KRT38: variants seen among roughly 807,000 people sequenced by gnomAD.
KRT38 encodes keratin, type I cuticular Ha8.
A neutral mutation model predicts 43.1 loss-of-function variants in KRT38; 45 were observed. That is an observed-to-expected ratio of 1.04 (90% CI 0.82 to 1.34). The LOEUF is 1.34. Ranked by LOEUF, KRT38 falls within the 40% of genes most tolerant of loss-of-function variation. The pLI is 0.00. For missense variants in KRT38, 627 were observed against 586.2 expected (o/e 1.07, Z -0.72); for synonymous variants, 258 against 244.0 (o/e 1.06, Z -0.53).
Position 41,438,685 on chromosome 17 carries a change from C to T in KRT38, c.894+12G>A, listed in dbSNP as rs985726459. 6.2e-6 allele frequency: 10 copies of T among 1,612,830 alleles called. No individual in the cohort carries two copies. The highest frequency in any genetic ancestry group is 2.7e-5 in the African/African-American group (2 of 74,790). ...GCCAGGTACCCCCTGGTTCTATACC[C>T]CCCCCACTCACCTGGGCTTGGAACC... On this transcript the variant is annotated intron_variant, in intron 4 of 6. Transcript: ENST00000246646.
Position 41,440,967 on chromosome 17 carries a change from G to C in KRT38, c.-46C>G. On this transcript the variant is annotated 5_prime_UTR_variant, in exon 1 of 7. Transcript: ENST00000246646. ...CAGGAGCTTCAGATCAGCTGGGAAAGCTGAACCACTGAGACTGAAGCCTCC... is the reference window on the plus strand; with the variant it reads ...CAGGAGCTTCAGATCAGCTGGGAAACCTGAACCACTGAGACTGAAGCCTCC... 1 of 1,511,912 alleles carries C rather than the reference G, an allele frequency of 6.6e-7. No individual in the cohort carries two copies. Among genetic ancestry groups the C allele is most frequent in the South Asian group, 1.4e-5 (1 of 73,954 alleles). The allele number at this position is 1,511,912 out of a possible 1,614,324, so 93.7% of individuals were successfully genotyped here. A position where few individuals can be genotyped will look rare whatever the true frequency, so the allele number is the denominator to read the frequency against.
Position 41,440,210 on chromosome 17 carries a change from T to G in KRT38, c.526A>C (p.Ile176Leu). Residue 176 changes from isoleucine (I) to leucine (L), a missense_variant, in exon 2 of 7, where the codon ATT becomes CTT. Transcript: ENST00000246646. ...AGCTTGGCATTGTCAATTTGTACAA[T>G]CAGCCTGGCATTCTCGGCCTTGCTG... ...LCSKAENARLIVQIDNAKLAA... is the reference protein window; with the variant it reads ...LCSKAENARLLVQIDNAKLAA... 1 of 1,614,178 alleles carries G rather than the reference T, an allele frequency of 6.2e-7. No individual in the cohort carries two copies. Among genetic ancestry groups the G allele is most frequent in the Non-Finnish European group, 8.5e-7 (1 of 1,180,036 alleles).
chr17:41,438,686 C>CT lies in KRT38; in HGVS notation c.894+10_894+11insA, dbSNP rs757433395. The stretch of plus-strand genomic sequence containing the variant: ...CCAGGTACCCCCTGGTTCTATACCC[C>CT]CCCCACTCACCTGGGCTTGGAACCA... On this transcript the variant is annotated intron_variant, in intron 4 of 6. Coordinates refer to ENST00000246646, the MANE Select transcript of KRT38 (RefSeq NM_006771.4). 1.9e-6 allele frequency: 3 copies of CT among 1,613,606 alleles called. No homozygotes were observed. Among genetic ancestry groups the CT allele is most frequent in the South Asian group, 2.2e-5 (2 of 91,060 alleles).
chr17:41,436,211 G>A lies in KRT38; in HGVS notation c.*1201C>T, dbSNP rs2018723542. Among the ~76,000 whole-genome samples, 1 of 152,158 alleles carries A rather than the reference G, an allele frequency of 6.6e-6. No individual in the cohort carries two copies. The highest frequency in any genetic ancestry group is 6.5e-5 in the Admixed American group (1 of 15,278). ...TATTATGTACCAAGCAGTGGGCTAGGCTCTGGGGATGCAGCAATGAACAAT... is the reference window on the plus strand; with the variant it reads ...TATTATGTACCAAGCAGTGGGCTAGACTCTGGGGATGCAGCAATGAACAAT... On this transcript the variant is annotated 3_prime_UTR_variant, in exon 7 of 7. Transcript: ENST00000246646.
At position 41,437,438 on chromosome 17, in the gene KRT38, C is replaced by T. The variant is rs768733190; in HGVS notation, c.1345G>A (p.Ala449Thr). The T allele has an allele frequency of 6.4e-7, 1 of 1,569,682 alleles. No homozygotes were observed. The highest frequency in any genetic ancestry group is 1.2e-5 in the South Asian group (1 of 85,628). The part of the protein sequence containing the change: ...PCTTCGPTCG[A>T]STTGSRF Reference sequence around the variant, plus strand: ...CAGAATCGGCTTCCGGTGGTGCTGGCTCCACAGGTGGGCCCACAGGTGGTG... The same window carrying T: ...CAGAATCGGCTTCCGGTGGTGCTGGTTCCACAGGTGGGCCCACAGGTGGTG... Residue 449 changes from alanine to threonine, a missense_variant, in exon 7 of 7, where the codon GCC (alanine) becomes ACC (threonine). Coordinates refer to ENST00000246646, the MANE Select transcript of KRT38 (RefSeq NM_006771.4).
Position 41,440,583 on chromosome 17 carries a change from G to T in KRT38, c.339C>A (p.Asp113Glu), listed in dbSNP as rs1192134137. 6.2e-7 allele frequency: 1 copy of T among 1,614,228 alleles called. No homozygotes were observed. The highest frequency in any genetic ancestry group is 8.5e-7 in the Non-Finnish European group (1 of 1,180,050). Residue 113 changes from aspartate (D) to glutamate (E), a missense_variant, in exon 1 of 7, where the codon GAC (aspartate) becomes GAA (glutamate). Asp to Glu is a conservative substitution (Grantham distance 45). Coordinates refer to ENST00000246646, the MANE Select transcript of KRT38 (RefSeq NM_006771.4). ...CCTTCTCCAGGTAGTTGGCCAGGCG[G>T]TCATTCAGGAACTGCATGGTCTCCT... Reference protein sequence around the residue: ...HEKETMQFLNDRLANYLEKVR... With the variant: ...HEKETMQFLNERLANYLEKVR...
chr17:41,440,745 G>T lies in KRT38; in HGVS notation c.177C>A (p.Ser59=). 6.2e-7 allele frequency: 1 copy of T among 1,613,978 alleles called. No individual in the cohort carries two copies. Among genetic ancestry groups the T allele is most frequent in the Non-Finnish European group, 8.5e-7 (1 of 1,179,894 alleles). ...VAHANRVRVG[S]TPLGRPSLCL... is the part of the protein sequence containing the mutation. ...AGAGGCTGGGGCGGCCCAGGGGAGT[G>T]GACCCCACACGGACTCGGTTGGCAT... The change falls in exon 1 of 7, where the codon TCC becomes TCA. Residue 59 remains serine, a synonymous_variant. Transcript: ENST00000246646.
chr17:41,438,667 A>G, intron 4 of KRT38, 30 bp downstream of exon 4: 1 of 1,572,596 alleles, frequency 6.4e-7, no homozygotes, highest in Non-Finnish European at 8.6e-7. Flanking sequence ...GAGGCCAGGT[A>G]CCCCCTGGTT....
rs2018757648 is a variant in KRT38 at position 41,438,575 on chromosome 17, C to T, written c.936G>A (p.Glu312=). The change falls in exon 5 of 7, where the codon GAG becomes GAA. Residue 312 remains glutamate, a synonymous_variant. Transcript: ENST00000246646. ...GGATCTCCGACTGGCAGCACTGCAG[C>T]TCCTCGGAGCAGGACATGTCCTGCA... ...ISLQDMSCSE[E]LQCCQSEILE... is the part of the protein sequence containing the mutation. The T allele has an allele frequency of 6.2e-7, 1 of 1,614,048 alleles. No individual in the cohort carries two copies. The highest frequency in any genetic ancestry group is 1.3e-5 in the African/African-American group (1 of 74,926).
chr17:41,437,431 GT>G lies in KRT38; in HGVS notation c.1351del (p.Thr451ProfsTer30). The G allele has an allele frequency of 6.4e-7, 1 of 1,568,786 alleles. No homozygotes were observed. ...TTCGPTCGAS[T>X]TGSRF is the part of the protein sequence containing the mutation. ...AGGAATTCAGAATCGGCTTCCGGTG[GT>G]GCTGGCTCCACAGGTGGGCCCACAG... On this transcript the variant is annotated frameshift_variant, in exon 7 of 7. Coordinates refer to ENST00000246646, the MANE Select transcript of KRT38 (RefSeq NM_006771.4). LOFTEE classifies it high-confidence loss of function.
rs202117597 is a variant in KRT38, at chr17:41,440,483, C to T, written c.439G>A (p.Val147Met). ...LERSKCHEST[V>M]CPDYQSYFHT... The stretch of plus-strand genomic sequence containing the variant: ...AAGTAAGACTGGTAGTCGGGGCACA[C>T]GGTGGACTCGTGGCACTTGCTCCTC... Residue 147 changes from valine to methionine, a missense_variant, in exon 1 of 7, where the codon GTG becomes ATG. Physicochemically the swap from Val to Met is conservative, Grantham distance 21. Coordinates refer to ENST00000246646, the MANE Select transcript of KRT38 (RefSeq NM_006771.4). 2.4e-5 allele frequency: 38 copies of T among 1,614,238 alleles called. No homozygotes were observed. The Middle Eastern group carries it at 8.2e-4, about 35-fold the overall frequency.
chr17:41,439,506 C>A, intron 2 of KRT38, 147 bp from the exon 3 acceptor site: 1 of 854,986 alleles, frequency 1.2e-6, no homozygotes. Flanking sequence ...TAGACCCAGC[C>A]CCTCTTCTCA....
intron 2 of KRT38, among the ~76,000 whole-genome samples, 177 bp from the exon 3 acceptor site, chr17:41,439,536 G>A (rs951225304): frequency 6.6e-6 from 1 of 152,192 alleles, no homozygotes; most frequent in African/African-American, 2.4e-5. Context: ...TGGTCTAATG[G>A]AGAAATCACA....
chr17:41,437,636 C>T (rs573131570), intron 6 of KRT38, 95 bp from the exon 7 acceptor site: 4 of 1,333,144 alleles, frequency 3.0e-6, no homozygotes, highest in South Asian at 1.5e-5. Context: ...CACTGCAAAA[C>T]AACAGAACAT....
rs973904262 is a variant in KRT38 at position 41,439,243 on chromosome 17, A to C, written c.692T>G (p.Leu231Arg). 2 of 1,614,198 alleles carry C rather than the reference A, an allele frequency of 1.2e-6. No individual in the cohort carries two copies. Among genetic ancestry groups the C allele is most frequent in the African/African-American group, 1.3e-5 (1 of 75,054 alleles). ...CTTGAGGGAGAGCTGCTCCTCCTTC[A>C]GGGACTCCTGCTGGGCCTCCAGGTC... ...KADLEAQQES[L>R]KEEQLSLKSN... The change falls in exon 3 of 7, where the codon CTG (leucine) becomes CGG (arginine). Residue 231 changes from leucine to arginine, a missense_variant. Leu to Arg is a moderately radical substitution (Grantham distance 102). Transcript: ENST00000246646.
chr17:41,437,995 G>A (rs1283008540), intron 6 of KRT38, 98 bp downstream of exon 6: 11 of 1,172,974 alleles, frequency 9.4e-6, no homozygotes, highest in Non-Finnish European at 1.2e-5. Context: ...AGTGCACAGA[G>A]AGCCTCATTC....
Position 41,438,822 on chromosome 17 carries a change from G to T in KRT38, c.769C>A (p.Leu257Ile), listed in dbSNP as rs139682814. 1.1e-5 allele frequency: 17 copies of T among 1,614,164 alleles called. No homozygotes were observed. The Admixed American group carries it at 2.8e-4, about 27-fold the overall frequency. The change falls in exon 4 of 7, where the codon CTC becomes ATC. Residue 257 changes from leucine to isoleucine, a missense_variant. Transcript: ENST00000246646. Reference sequence around the variant, plus strand: ...GGCTCAATGTCCAGCTCAATCCGGAGCTTCTCCCCCAGCTGACTCCTCAGA... The same window carrying T: ...GGCTCAATGTCCAGCTCAATCCGGATCTTCTCCCCCAGCTGACTCCTCAGA... ...KILRSQLGEK[L>I]RIELDIEPTI...
At position 41,440,830 on chromosome 17, in the gene KRT38, C is replaced by T. The variant is rs574937650; in HGVS notation, c.92G>A (p.Gly31Glu). The change falls in exon 1 of 7, where the codon GGG becomes GAG. Residue 31 changes from glycine to glutamate, a missense_variant. Coordinates refer to ENST00000246646, the MANE Select transcript of KRT38 (RefSeq NM_006771.4). ...RNVSVSPIDI[G>E]CQPGAEANIA... The stretch of plus-strand genomic sequence containing the variant: ...GTTGGCCTCTGCCCCAGGCTGGCAC[C>T]CAATGTCGATGGGAGAGACAGAGAC... The T allele has an allele frequency of 3.7e-5, 60 of 1,606,062 alleles. 1 individual carries two copies. The South Asian group carries it at 6.6e-4, about 18-fold the overall frequency.
intron 6 of KRT38, among the ~76,000 whole-genome samples, chr17:41,437,885 C>T (rs1387151904): frequency 1.3e-5 from 2 of 152,148 alleles, no homozygotes; most frequent in Middle Eastern, 3.2e-3. Context: ...CAAGCAGCCC[C>T]GGTGGAGACC....
Sources: allele counts gnomAD v4.1 joint callset (sites outside exome capture counted in the v4.1 genomes callset), GRCh38; gene constraint gnomAD v4.1.1; transcripts MANE v1.5; gene names NCBI Gene and HGNC (gene_info 2026-07-23, HGNC 2026-07-21).